NDUFAF6: variants seen among roughly 807,000 people sequenced by gnomAD.
The protein encoded by NDUFAF6 is NADH:ubiquinone oxidoreductase complex assembly factor 6, also known as NADH dehydrogenase (ubiquinone) complex I, assembly factor 6.
NDUFAF6 carries 45 observed loss-of-function variants against 40.8 expected under a neutral mutation model. The observed-to-expected ratio is 1.10, with a 90% confidence interval of 0.87 to 1.42. The LOEUF is 1.42. Ranked by LOEUF, NDUFAF6 falls within the 40% of genes most tolerant of loss-of-function variation. The pLI is 0.00. For synonymous variants in NDUFAF6, 185 were observed against 155.9 expected (o/e 1.19, Z -1.39); for missense variants, 435 against 418.5 (o/e 1.04, Z -0.34).
chr8:94,985,679 G>A (rs1435358045), intron 2 of NDUFAF6, among the ~76,000 whole-genome samples: 1 of 147,534 alleles, frequency 6.8e-6, no homozygotes, highest in African/African-American at 2.5e-5. Context: ...GGGATTACAG[G>A]CATGCACCAC....
chr8:94,930,511 G>A (rs372267324), intron 1 of NDUFAF6: 2 of 1,614,124 alleles, frequency 1.2e-6, no homozygotes, highest in African/African-American at 2.7e-5. Flanking sequence ...CAGGGCTGAT[G>A]AACAACCCAG....
At position 94,939,872 on chromosome 8, in the gene NDUFAF6, G is replaced by C. The variant is rs1417174357; in HGVS notation, c.-935-5611G>C. 2.5e-6 allele frequency: 4 copies of C among 1,612,398 alleles called. No homozygotes were observed. In the African/African-American group the frequency reaches 4.0e-5, roughly 16 times the overall value. On this transcript the variant is annotated intron_variant, in intron 1 of 14. Coordinates refer to the NDUFAF6 transcript ENST00000396113. ...ACTTGTAACGTACCTGGGACTACTT[G>C]GGCTATGTAATTCATCAGTCCCACG...
chr8:94,967,421 T>G (rs1006827966), intron 1 of NDUFAF6, among the ~76,000 whole-genome samples: 1 of 152,162 alleles, frequency 6.6e-6, no homozygotes, highest in Middle Eastern at 3.2e-3. Flanking sequence ...TGAAATTCAT[T>G]TATTCATTCC....
intron 2 of NDUFAF6, among the ~76,000 whole-genome samples, chr8:94,999,578 G>A (rs1292715548): frequency 6.6e-6 from 1 of 151,668 alleles, no homozygotes; most frequent in Non-Finnish European, 1.5e-5. Flanking sequence ...CATCATACCC[G>A]GCTAATTTTT....
chr8:95,080,602 G>C (rs1216521601), downstream of NDUFAF6, among the ~76,000 whole-genome samples: 1 of 151,724 alleles, frequency 6.6e-6, no homozygotes, highest in African/African-American at 2.4e-5. Flanking sequence ...ATTTTCGGTA[G>C]TGTATTTTGG....
chr8:94,926,452 T>G (rs1003128969), intron 1 of NDUFAF6: 3 of 144,184 alleles, frequency 2.1e-5, no homozygotes, highest in Non-Finnish European at 4.5e-5. Flanking sequence ...ATTATTAAAG[T>G]TCAAAATCTC....
chr8:94,958,393 C>T (rs559202701), intron 1 of NDUFAF6, among the ~76,000 whole-genome samples: 1 of 152,170 alleles, frequency 6.6e-6, no homozygotes, highest in East Asian at 1.9e-4. Context: ...TGCCCACATG[C>T]TCTGCCTGTG....
At chr8:94,953,487 C>T (rs1440807732), upstream of NDUFAF6, among the ~76,000 whole-genome samples, 7 of 152,168 alleles carry the variant, frequency 4.6e-5, no homozygotes, top group Non-Finnish European at 1.0e-4. Flanking sequence ...AAGAGGCGCA[C>T]TGTGTGGGGC....
chr8:94,915,738 C>A (rs1819086945), intron 1 of NDUFAF6, among the ~76,000 whole-genome samples: 1 of 152,178 alleles, frequency 6.6e-6, no homozygotes, highest in Admixed American at 6.5e-5. Flanking sequence ...CTGTTATTTT[C>A]AGGGCTTACA....
intron 1 of NDUFAF6, chr8:94,930,701 C>G: frequency 6.2e-7 from 1 of 1,614,156 alleles, no homozygotes; most frequent in Non-Finnish European, 8.5e-7. Flanking sequence ...AATGAATATG[C>G]TGCCCCATTT....
chr8:95,041,665 T>C, intron 4 of NDUFAF6, 39 bp downstream of exon 4: 1 of 1,488,106 alleles, frequency 6.7e-7, no homozygotes, highest in Non-Finnish European at 9.4e-7. Flanking sequence ...TTTTTCTTCC[T>C]GTTTAATTCT....
intron 2 of NDUFAF6, among the ~76,000 whole-genome samples, chr8:95,091,031 CAT>C (rs1343590467): frequency 0.02 from 316 of 15,912 alleles, 2 homozygotes; most frequent in African/African-American, 0.12. Context: ...TTAATAAACT[CAT>C]ATATATATTA....
chr8:94,981,594 T>C (rs1006091845), intron 2 of NDUFAF6, among the ~76,000 whole-genome samples: 1 of 152,200 alleles, frequency 6.6e-6, no homozygotes, highest in Non-Finnish European at 1.5e-5. Flanking sequence ...CCTTAGATTT[T>C]TTTAGTTATG....
chr8:94,923,935 G>A (rs1017220162), intron 1 of NDUFAF6, among the ~76,000 whole-genome samples: 11 of 151,200 alleles, frequency 7.3e-5, no homozygotes, highest in Non-Finnish European at 1.3e-4. Context: ...TGATCCACCC[G>A]CCTTGGCCTC....
At chr8:95,035,121 T>A (rs947585733) in intron 2 of NDUFAF6, among the ~76,000 whole-genome samples, 3 of 152,168 alleles carry the variant, frequency 2.0e-5, no homozygotes. Flanking sequence ...CCTCAGGTGA[T>A]CCACCCTCCT....
chr8:94,930,486 T>C (rs1315876324), intron 1 of NDUFAF6: 3 of 1,614,138 alleles, frequency 1.9e-6, no homozygotes, highest in Admixed American at 1.7e-5. Context: ...CTATTAGTAA[T>C]TGTACTGACG....
intron 3 of NDUFAF6, among the ~76,000 whole-genome samples, chr8:95,036,025 C>T (rs573063952): frequency 3.1e-4 from 47 of 152,294 alleles, no homozygotes; most frequent in Non-Finnish European, 5.6e-4. Flanking sequence ...GAGACTTGCT[C>T]TCAGTGTTGT....
intron 1 of NDUFAF6, chr8:94,896,444 T>G (rs2131143107): frequency 6.6e-6 from 1 of 152,306 alleles, no homozygotes; most frequent in Non-Finnish European, 1.5e-5. Flanking sequence ...CCCCCACAAC[T>G]GGCGCACCCC....
chr8:94,923,984 A>G (rs1819681675), intron 1 of NDUFAF6, among the ~76,000 whole-genome samples: 1 of 151,496 alleles, frequency 6.6e-6, no homozygotes, highest in Non-Finnish European at 1.5e-5. Flanking sequence ...CACTGCGTCC[A>G]GCCTGAATTT....
Sources: allele counts gnomAD v4.1 joint callset (sites outside exome capture counted in the v4.1 genomes callset), GRCh38; gene constraint gnomAD v4.1.1; transcripts MANE v1.5; gene names NCBI Gene and HGNC (gene_info 2026-07-23, HGNC 2026-07-21).